The following BASP1 variants were observed in gnomAD, a reference collection of about 807,000 sequenced individuals.
BASP1 encodes brain abundant membrane attached signal protein 1.
Under a neutral mutation model 2.2 loss-of-function variants are expected in BASP1, and 1 was observed. The ratio of observed to expected loss-of-function variants is 0.46; its 90% CI spans 0.16 to 2.17. The LOEUF (loss-of-function observed/expected upper bound fraction) is 2.17. Ranked by LOEUF, BASP1 falls within the 30% of genes most tolerant of loss-of-function variation. BASP1 has a pLI of 0.27. For synonymous variants in BASP1, 187 were observed against 154.2 expected (o/e 1.21, Z -1.58); for missense variants, 352 against 327.2 (o/e 1.08, Z -0.58).
intron 1 of BASP1, among the ~76,000 whole-genome samples, chr5:17,257,860 G>A (rs1740245113): frequency 6.6e-6 from 1 of 152,204 alleles, no homozygotes; most frequent in Admixed American, 6.5e-5. Context: ...GAAGCTTCAT[G>A]TTGTGTAAGA....
chr5:17,274,060 C>T (rs1561179216), intron 1 of BASP1, among the ~76,000 whole-genome samples: 2 of 152,052 alleles, frequency 1.3e-5, no homozygotes, highest in Admixed American at 1.3e-4. Flanking sequence ...TATTATTTAT[C>T]TGGTTTAATG....
chr5:17,222,459 A>G (rs1739409691), intron 1 of BASP1, among the ~76,000 whole-genome samples: 1 of 152,250 alleles, frequency 6.6e-6, no homozygotes, highest in African/African-American at 2.4e-5. Context: ...TTTGAGGCAG[A>G]CGTCTAGGTA....
At chr5:17,254,714 C>G (rs1390182690) in intron 1 of BASP1, among the ~76,000 whole-genome samples, 1 of 152,140 alleles carries the variant, frequency 6.6e-6, no homozygotes, top group Non-Finnish European at 1.5e-5. Context: ...AGTATGAATC[C>G]TGTCATCTAG....
intron 1 of BASP1, among the ~76,000 whole-genome samples, chr5:17,226,331 AGCTTTC>A (rs1469360969): frequency 2.0e-5 from 3 of 152,210 alleles, no homozygotes; most frequent in African/African-American, 7.2e-5. Context: ...TTCCTGGTTG[AGCTTTC>A]TAAATTACAA....
At chr5:17,258,843 A>G (rs1740261913) in intron 1 of BASP1, among the ~76,000 whole-genome samples, 1 of 152,202 alleles carries the variant, frequency 6.6e-6, no homozygotes, top group Non-Finnish European at 1.5e-5. Context: ...AAATTTGAAG[A>G]AGGCAAAAGT....
intron 1 of BASP1, among the ~76,000 whole-genome samples, chr5:17,263,975 G>A (rs2066158069): frequency 6.6e-6 from 1 of 152,180 alleles, no homozygotes; most frequent in Admixed American, 6.5e-5. Flanking sequence ...AGCCTTGGCT[G>A]AATCAGACAC....
At chr5:17,257,071 C>T (rs1032298360) in intron 1 of BASP1, among the ~76,000 whole-genome samples, 2 of 152,140 alleles carry the variant, frequency 1.3e-5, no homozygotes, top group African/African-American at 4.8e-5. Context: ...TAGAGTCTCT[C>T]CTGGGACTTA....
chr5:17,225,243 A>T, intron 1 of BASP1, among the ~76,000 whole-genome samples: 1 of 150,028 alleles, frequency 6.7e-6, no homozygotes. Context: ...TTTTTTTTCT[A>T]CCATTTTTTT....
At chr5:17,227,456 C>T (rs1252501761) in intron 1 of BASP1, among the ~76,000 whole-genome samples, 3 of 151,892 alleles carry the variant, frequency 2.0e-5, no homozygotes, top group Non-Finnish European at 4.4e-5. Context: ...GGCTGGAGTG[C>T]AGTGGCACGA....
intron 1 of BASP1, among the ~76,000 whole-genome samples, chr5:17,239,303 C>T (rs1056444988): frequency 6.6e-6 from 1 of 152,078 alleles, no homozygotes; most frequent in African/African-American, 2.4e-5. Context: ...CCATGTTAGC[C>T]AGGATGGTCT....
intron 1 of BASP1, among the ~76,000 whole-genome samples, chr5:17,243,451 G>A (rs1739913294): frequency 6.6e-6 from 1 of 152,116 alleles, no homozygotes; most frequent in Non-Finnish European, 1.5e-5. Flanking sequence ...ACCACGCCCG[G>A]CTCCCTCCAA....
intron 1 of BASP1, among the ~76,000 whole-genome samples, chr5:17,268,973 CT>C (rs542564476): frequency 7.2e-4 from 109 of 152,228 alleles, no homozygotes; most frequent in Non-Finnish European, 1.3e-3. Context: ...TTTTAATTTG[CT>C]TTGGAGGAAG....
At chr5:17,250,679 A>G (rs1483618993) in intron 1 of BASP1, among the ~76,000 whole-genome samples, 2 of 152,068 alleles carry the variant, frequency 1.3e-5, no homozygotes, top group Non-Finnish European at 2.9e-5. Context: ...ATCTCGGCTC[A>G]CTGTAAGCTC....
Position 17,276,575 on chromosome 5 carries a change from G to A in BASP1, c.*675G>A, listed in dbSNP as rs557075274. On this transcript the variant is annotated 3_prime_UTR_variant, in exon 2 of 2. Coordinates refer to ENST00000322611, the MANE Select transcript of BASP1 (RefSeq NM_006317.5). ...AGCCTACCTAGATTTCTCATGACGA[G>A]TTAATGCATGTCCGTGGTTGGGTGC... The A allele has an allele frequency of 1.3e-5, 2 of 152,032 alleles. No individual in the cohort carries two copies. Among genetic ancestry groups the A allele is most frequent in the African/African-American group, 2.7e-5 (1 of 36,846 alleles). The allele number at this position is 152,032 out of a possible 1,614,324, so 9.4% of individuals were successfully genotyped here.
rs563846015 is a variant in BASP1, at chr5:17,236,507, C to T, written c.-10+18697C>T. Among the ~76,000 whole-genome samples, 22 of 152,078 alleles carry T rather than the reference C, an allele frequency of 1.4e-4. No individual in the cohort carries two copies. Among genetic ancestry groups the T allele is most frequent in the East Asian group, 7.7e-4 (4 of 5,184 alleles). On this transcript the variant is annotated intron_variant, in intron 1 of 1. Transcript: ENST00000322611. The surrounding 1 kb of genome is among the most constrained non-coding windows in gnomAD (Gnocchi z 4.0). ...CTCAAACTCCTGACCTTAGGTGATC[C>T]GCCTGCCTCTGCCTCCCAAAGTGCT... is the stretch of plus-strand genomic sequence containing the variant.
At chr5:17,252,485 T>A (rs377410129) in intron 1 of BASP1, among the ~76,000 whole-genome samples, 4 of 152,184 alleles carry the variant, frequency 2.6e-5, no homozygotes, top group African/African-American at 9.7e-5. Context: ...GGGATGGAAC[T>A]CTTGCTTGAC....
chr5:17,229,765 A>T (rs1006397866), intron 1 of BASP1, among the ~76,000 whole-genome samples: 5 of 150,236 alleles, frequency 3.3e-5, no homozygotes, highest in African/African-American at 1.2e-4. Flanking sequence ...GTCCAAGATC[A>T]ACATGTTGGT....
intron 1 of BASP1, among the ~76,000 whole-genome samples, chr5:17,252,837 A>G (rs1740129449): frequency 6.6e-6 from 1 of 152,238 alleles, no homozygotes. Context: ...AAGTACCTTC[A>G]TCTAAGACTC....
At position 17,275,944 on chromosome 5, in the gene BASP1, C is replaced by CCTCTCTCTCTCTCTCT. The variant is rs59080603; in HGVS notation, c.*55_*70dup. ...AAAACAATACCACTTAAAACAATCTCCTCTCTCTCTCTCTCTCTCTCTCTC... is the reference window on the plus strand; with the variant it reads ...AAAACAATACCACTTAAAACAATCTCCTCTCTCTCTCTCTCTCTCTCTCTCTCTCTCTCTCTCTCTC... On this transcript the variant is annotated 3_prime_UTR_variant, in exon 2 of 2. Transcript: ENST00000322611. This position sits in a 1 kb window ranked among gnomAD's most constrained non-coding sequence, Gnocchi z 5.3. 1.8e-6 allele frequency: 2 copies of CCTCTCTCTCTCTCTCT among 1,084,320 alleles called. No homozygotes were observed. The highest frequency in any genetic ancestry group is 3.3e-5 in the African/African-American group (2 of 60,288). The allele number at this position is 1,084,320 out of a possible 1,614,324, so 67.2% of individuals were successfully genotyped here. A position where few individuals can be genotyped will look rare whatever the true frequency, so the allele number is the denominator to read the frequency against.
Sources: gnomAD v4.1 joint callset for allele counts (sites outside exome capture counted in the v4.1 genomes callset) on GRCh38, gnomAD v4.1.1 for gene constraint, Gnocchi (gnomAD v3.1) non-coding constraint, MANE v1.5 for transcripts, NCBI Gene and HGNC (gene_info 2026-07-23, HGNC 2026-07-21) for gene names.